Variants in ARID1B observed in about 807,000 individuals in gnomAD.
The protein encoded by ARID1B is AT-rich interactive domain-containing protein 1B.
In ARID1B, 30 loss-of-function variants were observed where a neutral mutation model predicts 212.3. That is an observed-to-expected ratio of 0.14 (90% CI 0.11 to 0.19). ARID1B has a LOEUF of 0.19. Ranked by LOEUF, ARID1B falls within the 10% of genes least tolerant of loss-of-function variation. The pLI is 1.00. For missense variants in ARID1B, 2,891 were observed against 3,204.0 expected (o/e 0.90, Z 2.36); for synonymous variants, 1,402 against 1,301.7 (o/e 1.08, Z -1.66).
At chr6:157,066,066 G>A (rs536019653) in intron 4 of ARID1B, among the ~76,000 whole-genome samples, 7 of 152,252 alleles carry the variant, frequency 4.6e-5, no homozygotes, top group East Asian at 1.9e-4. Context: ...TCCAGTCCCC[G>A]ATGGTCACTA....
At chr6:157,029,431 T>G (rs1780890669) in intron 4 of ARID1B, among the ~76,000 whole-genome samples, 2 of 152,214 alleles carry the variant, frequency 1.3e-5, no homozygotes, top group South Asian at 4.1e-4. Flanking sequence ...TCAACAAATA[T>G]TTAGTGAGCT....
At chr6:157,137,495 A>G (rs1562648996) in intron 7 of ARID1B, among the ~76,000 whole-genome samples, 1 of 152,176 alleles carries the variant, frequency 6.6e-6, no homozygotes, top group African/African-American at 2.4e-5. Context: ...GCTAAAATCA[A>G]TTTCATGTCC....
chr6:156,890,737 T>C (rs902995167), intron 2 of ARID1B, among the ~76,000 whole-genome samples: 4 of 152,222 alleles, frequency 2.6e-5, no homozygotes, highest in African/African-American at 9.6e-5. Context: ...GGGTCATCTT[T>C]TTCCTGTTAG....
chr6:157,016,568 A>G (rs553959490), intron 4 of ARID1B, among the ~76,000 whole-genome samples: 1 of 152,218 alleles, frequency 6.6e-6, no homozygotes, highest in South Asian at 2.1e-4. Flanking sequence ...GCTTCCTCCT[A>G]CATCCCGAAG....
rs75338502 is a variant in ARID1B, at chr6:156,835,531, A to G, written c.1986+6110A>G. Among the ~76,000 whole-genome samples the G allele has an allele frequency of 3.3e-3, 499 of 152,270 alleles. 2 individuals carry two copies. Among genetic ancestry groups the G allele is most frequent in the African/African-American group, 0.011 (457 of 41,552 alleles). On this transcript the variant is annotated intron_variant, in intron 2 of 19. Coordinates refer to ENST00000636930, the MANE Select transcript of ARID1B (RefSeq NM_001374828.1). Reference sequence around the variant, plus strand: ...GCTGCTTTTATATTAGGATGTTTATATTGATACATTTATTTTTTATCTGTA... The same window carrying G: ...GCTGCTTTTATATTAGGATGTTTATGTTGATACATTTATTTTTTATCTGTA...
At chr6:156,790,715 G>A (rs770934115) in intron 1 of ARID1B, among the ~76,000 whole-genome samples, 3 of 152,154 alleles carry the variant, frequency 2.0e-5, no homozygotes, top group South Asian at 2.1e-4. Context: ...GATGCAGAAC[G>A]CATTTCAGGA....
rs755976776 is a variant in ARID1B at position 156,778,869 on chromosome 6, GGCGGAGGAGGAGGAGGCA to G, written c.1206_1223del (p.Ser403_Gly408del). On this transcript the variant is annotated inframe_deletion, in exon 1 of 20. Transcript: ENST00000636930. Reference sequence around the variant, plus strand: ...CGCGGGCGGCGGCGGCGGCGGCGGCGGCGGAGGAGGAGGAGGCAGCGGAGGAGGAGGAGGAGGAGGAGG... The same window carrying G: ...CGCGGGCGGCGGCGGCGGCGGCGGCGGCGGAGGAGGAGGAGGAGGAGGAGG... 6.5e-5 allele frequency: 90 copies of G among 1,392,532 alleles called. No individual in the cohort carries two copies. Among genetic ancestry groups the G allele is most frequent in the Middle Eastern group, 2.0e-4 (1 of 5,120 alleles). The allele number at this position is 1,392,532 out of a possible 1,614,324, so 86.3% of individuals were successfully genotyped here.
intron 4 of ARID1B, among the ~76,000 whole-genome samples, chr6:157,075,067 T>TA (rs1784221521): frequency 6.6e-6 from 1 of 152,194 alleles, no homozygotes; most frequent in Non-Finnish European, 1.5e-5. Flanking sequence ...TATAAAGTGG[T>TA]TATATGCTCT....
At chr6:157,119,376 C>T (rs943910520) in intron 6 of ARID1B, among the ~76,000 whole-genome samples, 1 of 152,230 alleles carries the variant, frequency 6.6e-6, no homozygotes, top group Non-Finnish European at 1.5e-5. Flanking sequence ...GTGCACTGAT[C>T]TGTGCGGTCA....
chr6:157,126,508 G>A (rs760222159), intron 6 of ARID1B, among the ~76,000 whole-genome samples: 2 of 152,162 alleles, frequency 1.3e-5, no homozygotes, highest in Admixed American at 6.5e-5. Flanking sequence ...CATTTGGAAT[G>A]TGGTAGTACA....
In ARID1B at chr6:157,207,375, T is replaced by A; in HGVS notation, c.6603T>A (p.Pro2201=). The A allele has an allele frequency of 6.2e-7, 1 of 1,614,168 alleles. No individual in the cohort carries two copies. Among genetic ancestry groups the A allele is most frequent in the African/African-American group, 1.3e-5 (1 of 75,010 alleles). ...TGGGACCCAACTCGGTCCTGTCGCC[T>A]CAGAGACTTGTGCTGGAGACCCTCT... ...PTVGPNSVLS[P]QRLVLETLCK... is the part of the protein sequence containing the mutation. The change falls in exon 20 of 20, where the codon CCT becomes CCA. Residue 2201 remains proline, a synonymous_variant. Transcript: ENST00000636930. The surrounding 1 kb of genome is among the most constrained non-coding windows in gnomAD (Gnocchi z 8.5).
Position 156,901,409 on chromosome 6 carries a change from G to A in ARID1B, c.2020G>A (p.Gly674Ser), listed in dbSNP as rs1219700956. ...PPQYGQQGVS[G>S]YCQQGQQPYY... ...TCAGTATGGACAGCAAGGTGTGAGT[G>A]GTTACTGCCAGCAGGGCCAACAGCC... Residue 674 changes from glycine (G) to serine (S), a missense_variant, in exon 3 of 20, where the codon GGT becomes AGT. Gly to Ser is a moderately conservative substitution (Grantham distance 56). Around this residue, in one of 7 missense-constraint regions of ARID1B, gnomAD observed 1,643 missense variants for 1,544.0 expected, o/e 1.06. Transcript: ENST00000636930. 6.2e-7 allele frequency: 1 copy of A among 1,614,130 alleles called. No homozygotes were observed. The highest frequency in any genetic ancestry group is 8.5e-7 in the Non-Finnish European group (1 of 1,180,032).
intron 1 of ARID1B, among the ~76,000 whole-genome samples, chr6:156,794,724 C>T (rs549074178): frequency 7.9e-5 from 12 of 151,586 alleles, no homozygotes; most frequent in Admixed American, 3.9e-4. Context: ...AGTTAAGGCA[C>T]GCACCACCAC....
chr6:156,778,978 C>G lies in ARID1B; in HGVS notation c.1298C>G (p.Ala433Gly), dbSNP rs1417898123. Residue 433 changes from alanine (A) to glycine (G), a missense_variant, in exon 1 of 20, where the codon GCA becomes GGA. Ala to Gly is a moderately conservative substitution (Grantham distance 60). Around this residue, in one of 7 missense-constraint regions of ARID1B, gnomAD observed 1,643 missense variants for 1,544.0 expected, o/e 1.06. Coordinates refer to ENST00000636930, the MANE Select transcript of ARID1B (RefSeq NM_001374828.1). ...AAAAAAAAAAAGGGGGGGYGG... is the reference protein window; with the variant it reads ...AAAAAAAAAAGGGGGGGGYGG... ...GCGGCCGCGGCGGCGGCGGCAGCAG[C>G]AGGAGGCGGCGGCGGCGGCGGCTAT... 3.9e-6 allele frequency: 5 copies of G among 1,273,598 alleles called. No homozygotes were observed. The East Asian group carries it at 1.3e-4, about 33-fold the overall frequency. The allele number at this position is 1,273,598 out of a possible 1,614,324, so 78.9% of individuals were successfully genotyped here.
chr6:156,783,823 A>T (rs1779447867), intron 1 of ARID1B, among the ~76,000 whole-genome samples: 1 of 152,110 alleles, frequency 6.6e-6, no homozygotes, highest in African/African-American at 2.4e-5. Context: ...TCTACACTGG[A>T]CTGACACTGC....
chr6:157,085,030 ATTCT>A, intron 5 of ARID1B, 125 bp downstream of exon 5: 2 of 1,245,738 alleles, frequency 1.6e-6, no homozygotes, highest in Non-Finnish European at 2.2e-6. Flanking sequence ...GTATAACTGA[ATTCT>A]CACCAAGGCA....
At chr6:156,868,785 G>A (rs1785900635) in intron 2 of ARID1B, among the ~76,000 whole-genome samples, 1 of 152,158 alleles carries the variant, frequency 6.6e-6, no homozygotes, top group Admixed American at 6.5e-5. Context: ...AAAACAATAG[G>A]TATTCTTGTG....
chr6:156,819,613 G>A (rs1350027431), intron 1 of ARID1B, among the ~76,000 whole-genome samples: 2 of 152,164 alleles, frequency 1.3e-5, no homozygotes, highest in African/African-American at 2.4e-5. Context: ...TTCCTTTCTG[G>A]ACTTATTCTG....
chr6:156,973,064 A>G (rs557485937), intron 4 of ARID1B, among the ~76,000 whole-genome samples: 1 of 152,228 alleles, frequency 6.6e-6, no homozygotes, highest in Non-Finnish European at 1.5e-5. Context: ...TAACAGACTA[A>G]TAGTCTCACA....
Sources: allele counts gnomAD v4.1 joint callset (sites outside exome capture counted in the v4.1 genomes callset), GRCh38; gene constraint gnomAD v4.1.1; regional missense constraint gnomAD v4.1.1; non-coding constraint Gnocchi (gnomAD v3.1); transcripts MANE v1.5; gene names NCBI Gene and HGNC (gene_info 2026-07-23, HGNC 2026-07-21).